Variants in SPATA13 observed in about 807,000 individuals in gnomAD.
The protein encoded by SPATA13 is spermatogenesis associated 13, also known as spermatogenesis-associated protein 13.
In SPATA13, 50 loss-of-function variants were observed where a neutral mutation model predicts 104.0. That is an observed-to-expected ratio of 0.48 (90% CI 0.38 to 0.61). The LOEUF (loss-of-function observed/expected upper bound fraction) is 0.61. Among genes scored for constraint, SPATA13 ranks in the 20% least tolerant of loss-of-function variants. The pLI is 0.00. For missense variants in SPATA13, 1,524 were observed against 1,690.6 expected, an observed-to-expected ratio of 0.90 and a Z score of 1.73; for synonymous variants, 606 against 667.5, an observed-to-expected ratio of 0.91 and a Z score of 1.42.
At position 24,224,294 on chromosome 13, in the gene SPATA13, T is replaced by A. The variant is rs1433691521; in HGVS notation, c.1365T>A (p.Phe455Leu). ...CAAACGCTGGCAGCCAGTTGACATT[T>A]GACCCTGAGCAGCCTCCCACCCCTC... ...CDPNAGSQLT[F>L]DPEQPPTPLR... The change falls in exon 2 of 13, where the codon TTT (phenylalanine) becomes TTA (leucine). Residue 455 changes from phenylalanine to leucine, a missense_variant. By Grantham distance (22) the Phe-to-Leu change is conservative. This residue lies in a region of SPATA13 where 1,089 missense variants were observed against 1,135.9 expected (regional missense o/e 0.96). Transcript: ENST00000382108. 2.6e-6 allele frequency: 4 copies of A among 1,551,526 alleles called. No individual in the cohort carries two copies. Among genetic ancestry groups the A allele is most frequent in the Non-Finnish European group, 3.5e-6 (4 of 1,147,002 alleles).
At chr13:24,079,319 A>G (rs1879431866) in intron 3 of SPATA13, among the ~76,000 whole-genome samples, 1 of 152,220 alleles carries the variant, frequency 6.6e-6, no homozygotes, top group Non-Finnish European at 1.5e-5. Context: ...GAACACTGGG[A>G]AACTGTTGAA....
At chr13:24,269,785 T>C (rs9669933) in intron 4 of SPATA13, among the ~76,000 whole-genome samples, 112,375 of 138,670 alleles carry the variant, frequency 0.81, 45,593 homozygotes, top group East Asian at 0.85. Flanking sequence ...GACAGGACCT[T>C]GCTATGTTGC....
chr13:24,168,752 AGAAG>A (rs1175389703), intron 1 of SPATA13, among the ~76,000 whole-genome samples: 2 of 152,212 alleles, frequency 1.3e-5, no homozygotes, highest in Non-Finnish European at 2.9e-5. Flanking sequence ...AAAACAAGAA[AGAAG>A]GAAGGGCATA....
intron 1 of SPATA13, among the ~76,000 whole-genome samples, chr13:24,189,674 ATATATATT>A (rs1225443485): frequency 9.2e-5 from 1 of 10,852 alleles, no homozygotes; most frequent in African/African-American, 1.0e-4. Flanking sequence ...TTTATATATT[ATATATATT>A]TATATATAAT....
At chr13:24,274,811 C>T (rs950551116) in intron 4 of SPATA13, among the ~76,000 whole-genome samples, 1 of 152,200 alleles carries the variant, frequency 6.6e-6, no homozygotes, top group African/African-American at 2.4e-5. Flanking sequence ...AAATTCCCCA[C>T]CAAGGAGTGA....
chr13:24,078,741 C>T (rs775610759), intron 3 of SPATA13, among the ~76,000 whole-genome samples: 12 of 152,204 alleles, frequency 7.9e-5, no homozygotes, highest in Non-Finnish European at 1.8e-4. Flanking sequence ...CATCAGTGTA[C>T]ATTCACCTTC....
At position 24,275,630 on chromosome 13, in the gene SPATA13, C is replaced by T. The variant is rs182972323; in HGVS notation, c.2165-8505C>T. Among the ~76,000 whole-genome samples the T allele has an allele frequency of 2.2e-4, 33 of 152,298 alleles. No individual in the cohort carries two copies. The East Asian group carries it at 5.2e-3, about 24-fold the overall frequency. ...AGTCTTTGCTTCTTGTTTACAAGAT[C>T]GTTTCCAAAAATGGCTTTTTGGGCA... is the stretch of plus-strand genomic sequence containing the variant. On this transcript the variant is annotated intron_variant, in intron 4 of 12. Transcript: ENST00000382108.
chr13:24,270,706 G>T, intron 4 of SPATA13: 1 of 1,498,870 alleles, frequency 6.7e-7, no homozygotes, highest in African/African-American at 1.4e-5. Context: ...GCAGGCTCTG[G>T]CCGGGAACGC....
chr13:24,186,985 C>G (rs1869190949), intron 1 of SPATA13, among the ~76,000 whole-genome samples: 1 of 152,150 alleles, frequency 6.6e-6, no homozygotes, highest in Admixed American at 6.5e-5. Flanking sequence ...TTGATTTATG[C>G]AAACTGAGAA....
Position 24,223,385 on chromosome 13 carries a change from T to C in SPATA13, c.456T>C (p.Ala152=). ...TGGGAAAGTCCATCCCAAATGGCGC[T>C]GTCCCAGGAGCCCAGGCAAGCAGGG... is the stretch of plus-strand genomic sequence containing the variant. ...HGLGKSIPNG[A]VPGAQASRGS... Residue 152 remains alanine (A), a synonymous_variant, in exon 2 of 13, where the codon GCT becomes GCC. Transcript: ENST00000382108. The C allele has an allele frequency of 7.1e-6, 11 of 1,551,326 alleles. No individual in the cohort carries two copies. Among genetic ancestry groups the C allele is most frequent in the Non-Finnish European group, 9.6e-6 (11 of 1,146,976 alleles).
intron 3 of SPATA13, among the ~76,000 whole-genome samples, chr13:24,036,885 C>A (rs904758817): frequency 2.0e-5 from 3 of 151,958 alleles, no homozygotes; most frequent in Non-Finnish European, 2.9e-5. Flanking sequence ...AAGCGATTCT[C>A]CGACCTCAGC....
chr13:24,136,571 T>G lies in SPATA13; in HGVS notation c.-111-86248T>G, dbSNP rs544420596. Among the ~76,000 whole-genome samples the G allele has an allele frequency of 9.9e-5, 15 of 152,028 alleles. No homozygotes were observed. In the South Asian group the frequency reaches 3.1e-3, roughly 32 times the overall value. On this transcript the variant is annotated intron_variant, in intron 3 of 14. Coordinates refer to the SPATA13 transcript ENST00000424834. ...AAAGGAAAGAAAGAGAACTAGGAAA[T>G]GCTCAGAAAAAACTGTCAGATGAAT...
chr13:24,194,890 C>G (rs1362064972), intron 1 of SPATA13, among the ~76,000 whole-genome samples: 2 of 152,174 alleles, frequency 1.3e-5, no homozygotes, highest in Non-Finnish European at 2.9e-5. Flanking sequence ...AATAGTGAAT[C>G]TTGTAAGGAT....
rs780411934 is a variant in SPATA13 at position 24,304,006 on chromosome 13, G to A, written c.*1233G>A. On this transcript the variant is annotated 3_prime_UTR_variant, in exon 13 of 13. Transcript: ENST00000382108. ...ATACAGTGAATATGAAAATGCACTGGTCAGAAGGCACTCTCAAAGAGCCGC... is the reference window on the plus strand; with the variant it reads ...ATACAGTGAATATGAAAATGCACTGATCAGAAGGCACTCTCAAAGAGCCGC... 1.3e-5 allele frequency: 2 copies of A among 152,196 alleles called. No individual in the cohort carries two copies. Among genetic ancestry groups the A allele is most frequent in the Admixed American group, 6.5e-5 (1 of 15,270 alleles). The allele number at this position is 152,196 out of a possible 1,614,324, so 9.4% of individuals were successfully genotyped here. A position where few individuals can be genotyped will look rare whatever the true frequency, so the allele number is the denominator to read the frequency against.
chr13:24,140,857 T>C (rs928230311), intron 3 of SPATA13, among the ~76,000 whole-genome samples: 1 of 152,204 alleles, frequency 6.6e-6, no homozygotes, highest in Non-Finnish European at 1.5e-5. Context: ...ACCTGTTTCA[T>C]ATAATCGTAA....
intron 4 of SPATA13, among the ~76,000 whole-genome samples, chr13:24,277,360 C>T (rs1183842438): frequency 3.4e-5 from 5 of 147,270 alleles, no homozygotes; most frequent in Middle Eastern, 3.4e-3. Flanking sequence ...AGGAGAATGG[C>T]GTGAACCTAG....
intron 1 of SPATA13, among the ~76,000 whole-genome samples, chr13:24,216,222 C>A (rs1171448337): frequency 6.6e-6 from 1 of 152,202 alleles, no homozygotes; most frequent in Non-Finnish European, 1.5e-5. Context: ...CCTTTCATCT[C>A]TCACTACACC....
At position 24,001,497 on chromosome 13, in the gene SPATA13, G is replaced by A. The variant is rs139610440; in HGVS notation, c.-146-16170G>A. ...TTGCGTTAAGGAGTGGCGGTGGAGA[G>A]GGGAGAATGAGCTGGCGGGGAAAGG... On this transcript the variant is annotated intron_variant, in intron 2 of 14. Transcript: ENST00000424834. Among the ~76,000 whole-genome samples, 1,415 of 152,130 alleles carry A rather than the reference G, an allele frequency of 9.3e-3. 8 individuals carry two copies. Among genetic ancestry groups the A allele is most frequent in the Non-Finnish European group, 0.013 (865 of 67,990 alleles).
At chr13:24,263,015 A>G (rs1178378909) in intron 4 of SPATA13, among the ~76,000 whole-genome samples, 1 of 152,132 alleles carries the variant, frequency 6.6e-6, no homozygotes, top group African/African-American at 2.4e-5. Context: ...TGCAAATTTT[A>G]GGTATTATCT....
Sources: gnomAD v4.1 joint callset for allele counts (sites outside exome capture counted in the v4.1 genomes callset) on GRCh38, gnomAD v4.1.1 for gene constraint, gnomAD v4.1.1 regional missense constraint, MANE v1.5 for transcripts, NCBI Gene and HGNC (gene_info 2026-07-23, HGNC 2026-07-21) for gene names.